Variants in RP1 observed in about 807,000 individuals in gnomAD.
RP1 encodes oxygen-regulated protein 1.
Under a neutral mutation model 14.8 loss-of-function variants are expected in RP1, and 16 were observed. That is an observed-to-expected ratio of 1.08 (90% CI 0.73 to 1.65). The LOEUF is 1.65. Among genes scored for constraint, RP1 ranks in the 40% most tolerant of loss-of-function variants. The pLI is 0.00. For missense variants in RP1, 2,631 were observed against 2,535.0 expected (o/e 1.04, Z -0.81); for synonymous variants, 876 against 883.6 (o/e 0.99, Z 0.15).
intron 3 of RP1, among the ~76,000 whole-genome samples, chr8:54,644,868 T>A (rs1178759630): frequency 6.6e-6 from 1 of 152,168 alleles, no homozygotes; most frequent in Non-Finnish European, 1.5e-5. Flanking sequence ...TAGCTTCTGG[T>A]GATTTCCAGC....
chr8:54,645,592 G>T (rs2129324101), intron 3 of RP1, among the ~76,000 whole-genome samples: 1 of 152,198 alleles, frequency 6.6e-6, no homozygotes, highest in East Asian at 1.9e-4. Flanking sequence ...AGTTGATGTG[G>T]TTTTCTAATA....
intron 4 of RP1, among the ~76,000 whole-genome samples, chr8:54,650,733 C>T (rs1006841960): frequency 1.3e-5 from 2 of 148,532 alleles, no homozygotes; most frequent in African/African-American, 2.5e-5. Context: ...CTCCCCTTCC[C>T]TTTCCTTTCC....
At chr8:54,814,438 G>T (rs995157456) in intron 24 of RP1, among the ~76,000 whole-genome samples, 2 of 152,148 alleles carry the variant, frequency 1.3e-5, no homozygotes, top group African/African-American at 4.8e-5. Flanking sequence ...ATATAACATG[G>T]AGTGGTTGCT....
intron 25 of RP1, among the ~76,000 whole-genome samples, chr8:54,840,917 T>A (rs1280604748): frequency 6.6e-6 from 1 of 152,248 alleles, no homozygotes; most frequent in East Asian, 1.9e-4. Flanking sequence ...TTTCTCATTT[T>A]TCTCAGGCTC....
At chr8:54,710,009 A>G (rs1177700414) in intron 15 of RP1, among the ~76,000 whole-genome samples, 2 of 152,154 alleles carry the variant, frequency 1.3e-5, no homozygotes, top group African/African-American at 4.8e-5. Flanking sequence ...CCATGCCATC[A>G]GGGCCCCATG....
chr8:54,853,770 GAA>G (rs1812112928), intron 26 of RP1, among the ~76,000 whole-genome samples: 1 of 53,116 alleles, frequency 1.9e-5, no homozygotes, highest in African/African-American at 1.5e-4. Flanking sequence ...GAAAGAAAGA[GAA>G]AGGAAGGAAG....
chr8:54,656,312 A>G (rs547194212), intron 6 of RP1: 348 of 1,251,290 alleles, frequency 2.8e-4, no homozygotes, highest in Admixed American at 5.5e-4. Flanking sequence ...TAAATGAATG[A>G]TTAAGGACTG....
At chr8:54,563,150 A>G (rs1308616737) in intron 1 of RP1, among the ~76,000 whole-genome samples, 1 of 152,244 alleles carries the variant, frequency 6.6e-6, no homozygotes, top group Non-Finnish European at 1.5e-5. Flanking sequence ...ACCTCAGAGC[A>G]GAAGAGTCAG....
At chr8:54,672,685 A>G (rs60291733) in intron 7 of RP1, among the ~76,000 whole-genome samples, 3,690 of 152,262 alleles carry the variant, frequency 0.024, 161 homozygotes, top group African/African-American at 0.083. Flanking sequence ...TGTTGAATGT[A>G]GAAGCCAAAT....
At chr8:54,734,739 T>A in exon 18 of RP1, 1 of 1,528,652 alleles carries the variant, frequency 6.5e-7, no homozygotes. Flanking sequence ...CGAGGATGAG[T>A]TTCAGGTAAA....
intron 11 of RP1, chr8:54,679,775 C>T (rs1254672346): frequency 1.3e-5 from 20 of 1,533,380 alleles, no homozygotes; most frequent in Admixed American, 2.0e-5. Flanking sequence ...CTGGTGTTTT[C>T]ATTTGTTTTG....
intron 1 of RP1, among the ~76,000 whole-genome samples, chr8:54,596,650 C>T (rs1805155117): frequency 6.6e-6 from 1 of 152,196 alleles, no homozygotes; most frequent in Non-Finnish European, 1.5e-5. Context: ...GACTTGAGCT[C>T]CCCACTTAAA....
rs113763758 is a variant in RP1, at chr8:54,622,287, G to A, written c.786G>A (p.Lys262=). 1.9e-6 allele frequency: 3 copies of A among 1,613,976 alleles called. No homozygotes were observed. The highest frequency in any genetic ancestry group is 1.7e-4 in the Middle Eastern group (1 of 5,972). The part of the protein sequence containing the change: ...PKGNAKSESR[K]ISTHMSSSSR... ...GAAATGCAAAGTCAGAAAGCAGAAAGAGTAAGTCACTTATTAATATATAGC... is the reference window on the plus strand; with the variant it reads ...GAAATGCAAAGTCAGAAAGCAGAAAAAGTAAGTCACTTATTAATATATAGC... The change falls in exon 3 of 4, where the codon AAG becomes AAA. Residue 262 remains lysine (K), a splice_region_variant and synonymous_variant. Transcript: ENST00000220676.
chr8:54,701,397 G>A, intron 13 of RP1: 1 of 1,053,514 alleles, frequency 9.5e-7, no homozygotes, highest in Non-Finnish European at 1.2e-6. Context: ...ATAAAATGAA[G>A]TAGACACCTG....
intron 23 of RP1, among the ~76,000 whole-genome samples, chr8:54,778,921 A>ATT (rs1810112591): frequency 6.6e-6 from 1 of 152,158 alleles, no homozygotes; most frequent in African/African-American, 2.4e-5. Flanking sequence ...ATATTACGTC[A>ATT]GCATGGATGT....
intron 28 of RP1, among the ~76,000 whole-genome samples, chr8:54,866,831 C>G (rs969203000): frequency 2.6e-5 from 4 of 152,138 alleles, no homozygotes; most frequent in Non-Finnish European, 4.4e-5. Context: ...ACCTGGGTGT[C>G]AAGGTGCTAT....
intron 24 of RP1, among the ~76,000 whole-genome samples, chr8:54,797,243 A>T (rs1193451391): frequency 1.3e-5 from 2 of 152,196 alleles, no homozygotes; most frequent in African/African-American, 4.8e-5. Context: ...CCAAAAATGC[A>T]GTTGGAAGAA....
At chr8:54,602,545 T>C (rs1440899543) in intron 1 of RP1, among the ~76,000 whole-genome samples, 4 of 152,182 alleles carry the variant, frequency 2.6e-5, no homozygotes, top group African/African-American at 7.2e-5. Context: ...CCTTTGGGTA[T>C]ATACCCAGTA....
chr8:54,571,660 T>C (rs960823059), intron 1 of RP1, among the ~76,000 whole-genome samples: 12 of 152,198 alleles, frequency 7.9e-5, no homozygotes, highest in Admixed American at 6.5e-4. Flanking sequence ...ACTGGGTTAG[T>C]TAGACAACAG....
Sources: allele counts gnomAD v4.1 joint callset (sites outside exome capture counted in the v4.1 genomes callset), GRCh38; gene constraint gnomAD v4.1.1; transcripts MANE v1.5; gene names NCBI Gene and HGNC (gene_info 2026-07-23, HGNC 2026-07-21).